GRID2: variants seen among roughly 807,000 people sequenced by gnomAD.
GRID2 encodes the protein glutamate receptor ionotropic, delta-2.
Under a neutral mutation model 114.8 loss-of-function variants are expected in GRID2, and 33 were observed. The ratio of observed to expected loss-of-function variants is 0.29; its 90% CI spans 0.22 to 0.38. The LOEUF is 0.38. Ranked by LOEUF, GRID2 falls within the 10% of genes least tolerant of loss-of-function variation. The pLI, the probability that GRID2 is intolerant of heterozygous loss-of-function variation, is 1.00. For synonymous variants in GRID2, 505 were observed against 449.9 expected (o/e 1.12, Z -1.55); for missense variants, 1,184 against 1,257.7 (o/e 0.94, Z 0.89).
At chr4:93,283,578 C>G (rs1752868338) in intron 8 of GRID2, among the ~76,000 whole-genome samples, 1 of 152,014 alleles carries the variant, frequency 6.6e-6, no homozygotes, top group Non-Finnish European at 1.5e-5. Flanking sequence ...GAACTATCAG[C>G]TTGGAGAATG....
intron 1 of GRID2, among the ~76,000 whole-genome samples, chr4:92,458,604 C>A (rs979622587): frequency 5.9e-5 from 9 of 152,106 alleles, no homozygotes; most frequent in South Asian, 2.1e-4. Context: ...GAACAAACAA[C>A]AAATTTAAAA....
intron 8 of GRID2, among the ~76,000 whole-genome samples, chr4:93,251,092 CTG>C (rs2149531444): frequency 1.3e-5 from 2 of 152,186 alleles, no homozygotes; most frequent in South Asian, 4.1e-4. Flanking sequence ...ATGTGAAACT[CTG>C]TGACCTTGCA....
chr4:93,264,757 G>GATATATATATATATATATATATATAT (rs10567648), intron 8 of GRID2, among the ~76,000 whole-genome samples: 1 of 136,878 alleles, frequency 7.3e-6, no homozygotes, highest in African/African-American at 2.8e-5. Flanking sequence ...TCATTTGAAT[G>GATATATATATATATATATATATATAT]ATATATATAT....
chr4:93,258,826 C>A (rs1248488968), intron 8 of GRID2: 3 of 441,578 alleles, frequency 6.8e-6, no homozygotes, highest in Non-Finnish European at 9.1e-6. Flanking sequence ...TTTCTATAAA[C>A]AACATGAAAG....
chr4:93,714,554 CCAA>C (rs1272059919), intron 14 of GRID2, among the ~76,000 whole-genome samples: 5 of 152,036 alleles, frequency 3.3e-5, no homozygotes, highest in Admixed American at 3.3e-4. Flanking sequence ...TACACTCCCA[CCAA>C]CATTTCCTTT....
At chr4:93,262,412 G>A (rs1750352357) in intron 8 of GRID2, among the ~76,000 whole-genome samples, 1 of 151,910 alleles carries the variant, frequency 6.6e-6, no homozygotes, top group African/African-American at 2.4e-5. Context: ...CAGTTATGAA[G>A]AATATTAAGG....
At chr4:92,706,078 C>T (rs1734940636) in intron 2 of GRID2, among the ~76,000 whole-genome samples, 1 of 152,140 alleles carries the variant, frequency 6.6e-6, no homozygotes. Context: ...ACATCAAGGT[C>T]TTGATGGGTT....
chr4:93,650,377 GA>G (rs534619691), intron 14 of GRID2, among the ~76,000 whole-genome samples: 28 of 145,930 alleles, frequency 1.9e-4, no homozygotes, highest in Admixed American at 2.7e-4. Flanking sequence ...AAAAAGCATA[GA>G]TTTTTTTTTA....
At chr4:93,363,675 G>A (rs1762080745) in intron 8 of GRID2, among the ~76,000 whole-genome samples, 1 of 151,918 alleles carries the variant, frequency 6.6e-6, no homozygotes, top group Non-Finnish European at 1.5e-5. Flanking sequence ...TAGTGAATCT[G>A]TTTAAGTTGA....
chr4:93,597,281 C>A (rs575245196), intron 13 of GRID2, among the ~76,000 whole-genome samples: 1 of 152,114 alleles, frequency 6.6e-6, no homozygotes, highest in East Asian at 1.9e-4. Flanking sequence ...GTGATAGTAA[C>A]TATTTTATAT....
At chr4:93,306,871 A>G (rs11943246) in intron 8 of GRID2, among the ~76,000 whole-genome samples, 1 of 152,130 alleles carries the variant, frequency 6.6e-6, no homozygotes, top group Non-Finnish European at 1.5e-5. Context: ...TTTACTTGAT[A>G]AAATGTAAAT....
At chr4:92,472,628 T>G (rs191597657) in intron 1 of GRID2, among the ~76,000 whole-genome samples, 54 of 152,256 alleles carry the variant, frequency 3.5e-4, no homozygotes, top group South Asian at 1.4e-3. Context: ...TTATTGTAGG[T>G]GCATAGGGAT....
intron 12 of GRID2, among the ~76,000 whole-genome samples, chr4:93,514,693 A>G (rs942068802): frequency 6.6e-6 from 1 of 152,110 alleles, no homozygotes; most frequent in African/African-American, 2.4e-5. Context: ...ATGTATATCA[A>G]TTGTCTGACG....
intron 4 of GRID2, chr4:93,166,310 G>T (rs1738242733): frequency 6.6e-6 from 1 of 152,110 alleles, no homozygotes; most frequent in African/African-American, 2.4e-5. Flanking sequence ...ATCTAAAGTG[G>T]GTAGAAGGAG....
chr4:93,025,851 G>A (rs990721393), intron 2 of GRID2, among the ~76,000 whole-genome samples: 1 of 151,602 alleles, frequency 6.6e-6, no homozygotes, highest in Non-Finnish European at 1.5e-5. Flanking sequence ...ATTTTTTAAT[G>A]TGTATTCCTG....
At chr4:93,782,296 C>T (rs1379958995) in intron 1 of GRID2, among the ~76,000 whole-genome samples, 1 of 152,110 alleles carries the variant, frequency 6.6e-6, no homozygotes, top group African/African-American at 2.4e-5. Flanking sequence ...TTTCTAAACA[C>T]AGCCTTGTCT....
At chr4:93,289,544 C>A (rs2149142359) in intron 8 of GRID2, among the ~76,000 whole-genome samples, 1 of 152,100 alleles carries the variant, frequency 6.6e-6, no homozygotes, top group African/African-American at 2.4e-5. Context: ...CATATTGGTA[C>A]TGGTAGGGAT....
intron 13 of GRID2, among the ~76,000 whole-genome samples, chr4:93,623,312 CT>C (rs147269640): frequency 0.13 from 19,716 of 151,932 alleles, 1,626 homozygotes; most frequent in East Asian, 0.42. Flanking sequence ...CCCTAGCCCC[CT>C]GACCCCCCAA....
Position 93,797,828 on chromosome 4 carries a change from G to C in GRID2, c.222-8887G>C, listed in dbSNP as rs61088547. 1.1e-4 allele frequency among the ~76,000 whole-genome samples: 15 copies of C among 131,998 alleles called. No homozygotes were observed. In the East Asian group the frequency reaches 3.5e-3, roughly 31 times the overall value. 86.6% of individuals were successfully genotyped at this position (131,998 alleles called of 152,430 possible). A position where few individuals can be genotyped will look rare whatever the true frequency, so the allele number is the denominator to read the frequency against. The stretch of plus-strand genomic sequence containing the variant: ...ATATTAAGAGAGAAGAAGGAGAAAA[G>C]TTTTCCCCAGGATGAAAAAAAAAAA... On this transcript the variant is annotated intron_variant, in intron 1 of 1. Transcript: ENST00000637838.
Sources: allele counts gnomAD v4.1 joint callset (sites outside exome capture counted in the v4.1 genomes callset), GRCh38; gene constraint gnomAD v4.1.1; transcripts MANE v1.5; gene names NCBI Gene and HGNC (gene_info 2026-07-23, HGNC 2026-07-21).